Variants in HS3ST4 observed in about 807,000 individuals in gnomAD.
HS3ST4 encodes heparan sulfate-glucosamine 3-sulfotransferase 4.
In HS3ST4, 17 loss-of-function variants were observed where a neutral mutation model predicts 29.2. The observed-to-expected ratio is 0.58, with a 90% CI of 0.40 to 0.87. The LOEUF is 0.87. Ranked by LOEUF, HS3ST4 falls within the 40% of genes least tolerant of loss-of-function variation. The pLI, the probability that HS3ST4 is intolerant of heterozygous loss-of-function variation, is 0.00. For synonymous variants in HS3ST4, 314 were observed against 285.7 expected (o/e 1.10, Z -1.00); for missense variants, 627 against 634.5 (o/e 0.99, Z 0.13).
rs577081896 is a variant in HS3ST4, at chr16:25,991,760, G to C, written c.735-143852G>C. Among the ~76,000 whole-genome samples the C allele has an allele frequency of 2.0e-4, 31 of 152,282 alleles. No homozygotes were observed. In the East Asian group the frequency reaches 4.8e-3, roughly 24 times the overall value. ...TTGGGGGCCGGGTGCGGTGGCTCAC[G>C]CCTGTAATCCCAGCACTTTGGGAGG... is the stretch of plus-strand genomic sequence containing the variant. On this transcript the variant is annotated intron_variant, in intron 1 of 1. Transcript: ENST00000331351.
chr16:25,854,684 T>A (rs1452583424), intron 1 of HS3ST4, among the ~76,000 whole-genome samples: 2 of 152,034 alleles, frequency 1.3e-5, no homozygotes, highest in Non-Finnish European at 2.9e-5. Context: ...CCTTAAATAC[T>A]CTTTCTCAGA....
At chr16:25,811,826 A>G (rs1214560435) in intron 1 of HS3ST4, among the ~76,000 whole-genome samples, 1 of 152,226 alleles carries the variant, frequency 6.6e-6, no homozygotes, top group African/African-American at 2.4e-5. Context: ...TTATGTTATT[A>G]GTAAGACTTC....
At chr16:25,895,466 A>ACCCAGCC (rs1968051970) in intron 1 of HS3ST4, among the ~76,000 whole-genome samples, 1 of 151,946 alleles carries the variant, frequency 6.6e-6, no homozygotes, top group Non-Finnish European at 1.5e-5. Context: ...TGGGCTGGTC[A>ACCCAGCC]CAGGAGAGTT....
At chr16:26,011,242 G>T (rs1432380607) in intron 1 of HS3ST4, among the ~76,000 whole-genome samples, 1 of 152,176 alleles carries the variant, frequency 6.6e-6, no homozygotes, top group Admixed American at 6.5e-5. Context: ...TGGCAAAATT[G>T]GAACTCTCAG....
intron 1 of HS3ST4, among the ~76,000 whole-genome samples, chr16:26,020,363 C>T (rs186482274): frequency 1.4e-4 from 22 of 152,228 alleles, no homozygotes; most frequent in African/African-American, 5.3e-4. Flanking sequence ...TATAGATATA[C>T]GAAGAGGCAT....
intron 1 of HS3ST4, among the ~76,000 whole-genome samples, chr16:26,007,704 C>T (rs1365389959): frequency 6.6e-6 from 1 of 152,192 alleles, no homozygotes; most frequent in Admixed American, 6.5e-5. Flanking sequence ...AGCCTTCACT[C>T]ATCAGATGCC....
intron 1 of HS3ST4, among the ~76,000 whole-genome samples, chr16:25,908,085 G>A (rs1428785597): frequency 6.6e-6 from 1 of 152,218 alleles, no homozygotes; most frequent in Non-Finnish European, 1.5e-5. Flanking sequence ...AATCATAGGT[G>A]TGGAGAGAGA....
At chr16:26,017,389 G>A (rs939483637) in intron 1 of HS3ST4, among the ~76,000 whole-genome samples, 18 of 152,184 alleles carry the variant, frequency 1.2e-4, no homozygotes, top group African/African-American at 3.1e-4. Flanking sequence ...TGGAAAATGC[G>A]ACATTAGGAG....
chr16:25,794,111 T>C (rs1301900203), intron 1 of HS3ST4, among the ~76,000 whole-genome samples: 2 of 152,124 alleles, frequency 1.3e-5, no homozygotes, highest in Non-Finnish European at 2.9e-5. Flanking sequence ...AGTCTTGGAT[T>C]AAGGTATGAA....
chr16:25,693,206 G>A, intron 1 of HS3ST4, 55 bp downstream of exon 1: 1 of 1,477,682 alleles, frequency 6.8e-7, no homozygotes, highest in Non-Finnish European at 9.0e-7. Context: ...ACGCGGAGGG[G>A]AAGCCGCGGC....
chr16:25,994,808 A>C (rs999596472), intron 1 of HS3ST4, among the ~76,000 whole-genome samples: 6 of 152,230 alleles, frequency 3.9e-5, no homozygotes, highest in Non-Finnish European at 8.8e-5. Flanking sequence ...TAAGAGAAAG[A>C]AAGCTCAGAG....
At chr16:25,973,234 G>A (rs2141707462) in intron 1 of HS3ST4, among the ~76,000 whole-genome samples, 1 of 152,332 alleles carries the variant, frequency 6.6e-6, no homozygotes, top group African/African-American at 2.4e-5. Context: ...TTGAAGGTTG[G>A]AAAATTAGGT....
chr16:25,814,123 A>T (rs911400748), intron 1 of HS3ST4, among the ~76,000 whole-genome samples: 1 of 152,232 alleles, frequency 6.6e-6, no homozygotes, highest in African/African-American at 2.4e-5. Context: ...TCTGCGGGTG[A>T]TGGAACTCTT....
intron 1 of HS3ST4, among the ~76,000 whole-genome samples, chr16:25,732,613 A>G (rs1291999769): frequency 2.0e-5 from 3 of 152,190 alleles, no homozygotes; most frequent in Non-Finnish European, 2.9e-5. Context: ...AGGAGTATCA[A>G]AAAAAAGGAG....
intron 1 of HS3ST4, among the ~76,000 whole-genome samples, chr16:26,106,144 G>A (rs1899053456): frequency 6.6e-6 from 1 of 152,130 alleles, no homozygotes; most frequent in Admixed American, 6.5e-5. Flanking sequence ...CCTCTTCCAA[G>A]CCTATTCATA....
chr16:25,817,453 A>G (rs575570120), intron 1 of HS3ST4, among the ~76,000 whole-genome samples: 8 of 152,334 alleles, frequency 5.3e-5, no homozygotes, highest in African/African-American at 1.9e-4. Context: ...TCAGCCATAG[A>G]TAATATGTAA....
chr16:25,725,675 CTT>C (rs1197100111), intron 1 of HS3ST4, among the ~76,000 whole-genome samples: 3 of 150,902 alleles, frequency 2.0e-5, no homozygotes, highest in African/African-American at 7.3e-5. Flanking sequence ...GTGTATAGAA[CTT>C]ATATATTGCA....
intron 1 of HS3ST4, among the ~76,000 whole-genome samples, chr16:25,931,239 G>A (rs1968460114): frequency 6.6e-6 from 1 of 152,206 alleles, no homozygotes; most frequent in East Asian, 1.9e-4. Context: ...TCCAAGCTGG[G>A]AAGACTTGAA....
At chr16:25,913,960 G>T (rs1968265630) in intron 1 of HS3ST4, among the ~76,000 whole-genome samples, 1 of 149,636 alleles carries the variant, frequency 6.7e-6, no homozygotes, top group Non-Finnish European at 1.5e-5. Flanking sequence ...GTGTGTAAGT[G>T]ATGTGGTAGA....
Sources: allele counts gnomAD v4.1 joint callset (sites outside exome capture counted in the v4.1 genomes callset), GRCh38; gene constraint gnomAD v4.1.1; transcripts MANE v1.5; gene names NCBI Gene and HGNC (gene_info 2026-07-23, HGNC 2026-07-21).